Variants in EXOC4 observed in about 807,000 individuals in gnomAD.
EXOC4 encodes the protein SEC8-like 1.
Under a neutral mutation model 107.2 loss-of-function variants are expected in EXOC4, and 71 were observed. The ratio of observed to expected loss-of-function variants is 0.66; its 90% CI spans 0.55 to 0.81. The LOEUF (loss-of-function observed/expected upper bound fraction) is 0.81. Ranked by LOEUF, EXOC4 falls within the 30% of genes least tolerant of loss-of-function variation. The probability of loss-of-function intolerance (pLI) is 0.00; values close to 1 mark genes in which losing one functional copy is unlikely to be tolerated. For synonymous variants in EXOC4, 456 were observed against 441.2 expected (o/e 1.03, Z -0.42); for missense variants, 1,108 against 1,189.6 (o/e 0.93, Z 1.01).
chr7:133,402,218 T>C (rs866699982), intron 7 of EXOC4, among the ~76,000 whole-genome samples: 1 of 152,350 alleles, frequency 6.6e-6, no homozygotes, highest in Middle Eastern at 3.4e-3. Flanking sequence ...ATTCTGAAGA[T>C]ACTTTTTGTT....
intron 10 of EXOC4, among the ~76,000 whole-genome samples, chr7:133,789,621 A>G (rs1015257947): frequency 2.5e-4 from 38 of 152,182 alleles, no homozygotes; most frequent in Non-Finnish European, 2.1e-4. Flanking sequence ...CGATGACTGT[A>G]TGTCTACCTC....
At chr7:133,932,547 C>T (rs1426661669) in intron 13 of EXOC4, among the ~76,000 whole-genome samples, 1 of 152,204 alleles carries the variant, frequency 6.6e-6, no homozygotes, top group Non-Finnish European at 1.5e-5. Context: ...TCTTGCTATA[C>T]TCACTCTATA....
chr7:133,502,014 C>A (rs1334508651), intron 9 of EXOC4, among the ~76,000 whole-genome samples: 1 of 152,118 alleles, frequency 6.6e-6, no homozygotes, highest in African/African-American at 2.4e-5. Flanking sequence ...TCATGCACAA[C>A]ATCCAATTTT....
chr7:133,323,397 G>T (rs1795161051), intron 5 of EXOC4, among the ~76,000 whole-genome samples: 1 of 152,122 alleles, frequency 6.6e-6, no homozygotes, highest in African/African-American at 2.4e-5. Context: ...TCAATACCTA[G>T]TTTATCGAGA....
intron 10 of EXOC4, among the ~76,000 whole-genome samples, chr7:133,775,418 T>C (rs2151166741): frequency 6.6e-6 from 1 of 152,330 alleles, no homozygotes; most frequent in South Asian, 2.1e-4. Flanking sequence ...CACAGGGTGA[T>C]CTGCGAACAC....
intron 9 of EXOC4, among the ~76,000 whole-genome samples, chr7:133,612,777 G>T (rs1180214813): frequency 6.6e-6 from 1 of 152,158 alleles, no homozygotes; most frequent in African/African-American, 2.4e-5. Flanking sequence ...TGACAAAATG[G>T]AAAGGATTTA....
At chr7:133,401,665 G>GA (rs1027295477) in intron 7 of EXOC4, among the ~76,000 whole-genome samples, 1 of 142,482 alleles carries the variant, frequency 7.0e-6, no homozygotes, top group African/African-American at 2.6e-5. Context: ...AAAAAAAAAA[G>GA]AAAAAAAAGA....
At chr7:133,639,998 TAA>T (rs1205011202) in intron 10 of EXOC4, among the ~76,000 whole-genome samples, 3 of 152,210 alleles carry the variant, frequency 2.0e-5, no homozygotes, top group African/African-American at 7.2e-5. Flanking sequence ...CTCTAAATTT[TAA>T]AAATCTTTTA....
At position 133,310,034 on chromosome 7, in the gene EXOC4, A is replaced by G. The variant is rs148708349; in HGVS notation, c.656+3973A>G. Among the ~76,000 whole-genome samples the G allele has an allele frequency of 3.0e-3, 457 of 152,340 alleles. 2 individuals are homozygous for G. Among genetic ancestry groups the G allele is most frequent in the African/African-American group, 9.9e-3 (413 of 41,584 alleles). ...CCTTTTTACTCAGTTAATAGTGACT[A>G]GGAAATTTGGATAGGTAGGAGAAAG... On this transcript the variant is annotated intron_variant, in intron 4 of 17. Coordinates refer to ENST00000253861, the MANE Select transcript of EXOC4 (RefSeq NM_021807.4).
chr7:133,976,856 A>T lies in EXOC4; in HGVS notation c.2207-20636A>T, dbSNP rs1011639392. Among the ~76,000 whole-genome samples the T allele has an allele frequency of 6.6e-5, 10 of 152,228 alleles. No individual in the cohort carries two copies. In the South Asian group the frequency reaches 1.5e-3, roughly 22 times the overall value. On this transcript the variant is annotated intron_variant, in intron 14 of 17. Coordinates refer to ENST00000253861, the MANE Select transcript of EXOC4 (RefSeq NM_021807.4). ...AGTATCAGCCCACTGTTTCTCTGAA[A>T]ATCAAATTTGACTTAATCCAGCAAG...
rs183512199 is a variant in EXOC4, at chr7:133,672,262, G to A, written c.1514+42121G>A. ...AAAAATTAGCCGGGCGTGGTGGCGG[G>A]CACCTGTAGTCCCAGCTACTCGGGA... On this transcript the variant is annotated intron_variant, in intron 10 of 17. Transcript: ENST00000253861. Among the ~76,000 whole-genome samples the A allele has an allele frequency of 3.7e-4, 56 of 151,944 alleles. No individual in the cohort carries two copies. In the East Asian group the frequency reaches 0.01, roughly 28 times the overall value.
At chr7:133,415,117 T>G (rs562285160) in intron 7 of EXOC4, among the ~76,000 whole-genome samples, 1 of 152,166 alleles carries the variant, frequency 6.6e-6, no homozygotes, top group Non-Finnish European at 1.5e-5. Flanking sequence ...CAGTACTTCT[T>G]TTTTTATTGC....
At chr7:134,100,193 A>T in the EXOC4 span, among the ~76,000 whole-genome samples, 9 of 152,138 alleles carry the variant, frequency 5.9e-5, no homozygotes, top group African/African-American at 2.2e-4. Flanking sequence ...TACAGGGGGA[A>T]ATTTGGAGAC....
intron 10 of EXOC4, among the ~76,000 whole-genome samples, chr7:133,663,845 G>A (rs1793752436): frequency 6.6e-6 from 1 of 152,060 alleles, no homozygotes; most frequent in South Asian, 2.1e-4. Flanking sequence ...TAAAATGTAA[G>A]TCACATTACA....
Position 133,480,058 on chromosome 7 carries a change from C to T in EXOC4, c.1337C>T (p.Ser446Leu), listed in dbSNP as rs545066605. ...RPKNSLFKFE[S>L]SSHAISMSAY... is the part of the protein sequence containing the mutation. ...CCTGTGTTTCTCTGCAGGTTCGAAT[C>T]GTCCTCCCATGCCATCAGTATGAGC... The change falls in exon 9 of 18, where the codon TCG becomes TTG. Residue 446 changes from serine (S) to leucine (L), a missense_variant. Coordinates refer to ENST00000253861, the MANE Select transcript of EXOC4 (RefSeq NM_021807.4). 5.3e-5 allele frequency: 86 copies of T among 1,613,778 alleles called. No homozygotes were observed. Among genetic ancestry groups the T allele is most frequent in the Non-Finnish European group, 6.7e-5 (79 of 1,179,742 alleles).
At position 133,803,662 on chromosome 7, in the gene EXOC4, CAGTT is replaced by C. The variant is rs534419803; in HGVS notation, c.1515-13660_1515-13657del. 9.9e-5 allele frequency among the ~76,000 whole-genome samples: 15 copies of C among 152,228 alleles called. No individual in the cohort carries two copies. The South Asian group carries it at 1.0e-3, about 11-fold the overall frequency. Reference sequence around the variant, plus strand: ...TGATAGATATTCACTTGCAAGTAATCAGTTAGACAGGAAGACACCTTTTCTTTAT... The same window carrying C: ...TGATAGATATTCACTTGCAAGTAATCAGACAGGAAGACACCTTTTCTTTAT... On this transcript the variant is annotated intron_variant, in intron 10 of 17. Coordinates refer to ENST00000253861, the MANE Select transcript of EXOC4 (RefSeq NM_021807.4).
chr7:133,577,780 C>T (rs898010031), intron 9 of EXOC4, among the ~76,000 whole-genome samples: 1 of 152,086 alleles, frequency 6.6e-6, no homozygotes, highest in Non-Finnish European at 1.5e-5. Flanking sequence ...GTAAAAAATG[C>T]TCAATACATA....
chr7:133,699,236 C>T (rs112477094), intron 10 of EXOC4, among the ~76,000 whole-genome samples: 42 of 152,256 alleles, frequency 2.8e-4, no homozygotes, highest in African/African-American at 8.9e-4. Context: ...CCCCTCAGGT[C>T]CATTCCTCAA....
chr7:133,905,226 C>T (rs1335041097), intron 12 of EXOC4, among the ~76,000 whole-genome samples: 3 of 152,260 alleles, frequency 2.0e-5, no homozygotes, highest in African/African-American at 7.2e-5. Context: ...CTGGGCAGCT[C>T]CTGGGAGCTT....
Sources: gnomAD v4.1 joint callset for allele counts (sites outside exome capture counted in the v4.1 genomes callset) on GRCh38, gnomAD v4.1.1 for gene constraint, MANE v1.5 for transcripts, NCBI Gene and HGNC (gene_info 2026-07-23, HGNC 2026-07-21) for gene names.